The following TPRG1 variants were observed in gnomAD, a reference collection of about 807,000 sequenced individuals.
TPRG1 encodes the protein tumor protein p63-regulated gene 1 protein.
In TPRG1, 29 loss-of-function variants were observed where a neutral mutation model predicts 29.3. The ratio of observed to expected loss-of-function variants is 0.99; its 90% CI spans 0.74 to 1.35. TPRG1 has a LOEUF of 1.35. TPRG1 is among the 40% of genes most tolerant of loss of function. TPRG1 has a pLI of 0.00. For missense variants in TPRG1, 327 were observed against 335.0 expected, an observed-to-expected ratio of 0.98 and a Z score of 0.19; for synonymous variants, 130 against 116.8, an observed-to-expected ratio of 1.11 and a Z score of -0.73.
intron 3 of TPRG1, among the ~76,000 whole-genome samples, chr3:189,222,695 T>C (rs1314643161): frequency 1.3e-5 from 2 of 152,192 alleles, no homozygotes; most frequent in South Asian, 2.1e-4. Context: ...AGAATTTCGG[T>C]GGGTTCTCAC....
chr3:189,229,011 C>T (rs377380442), intron 3 of TPRG1, among the ~76,000 whole-genome samples: 1 of 152,204 alleles, frequency 6.6e-6, no homozygotes, highest in African/African-American at 2.4e-5. Context: ...AATGCAATAA[C>T]ACTTGTAATC....
At chr3:189,009,219 G>T (rs775242877) in intron 3 of TPRG1, among the ~76,000 whole-genome samples, 4 of 152,128 alleles carry the variant, frequency 2.6e-5, no homozygotes, top group Non-Finnish European at 5.9e-5. Flanking sequence ...CAAATTTGGG[G>T]TGTGTTTTCT....
At chr3:189,303,847 T>C (rs1422517487) in intron 4 of TPRG1, among the ~76,000 whole-genome samples, 1 of 152,212 alleles carries the variant, frequency 6.6e-6, no homozygotes, top group African/African-American at 2.4e-5. Context: ...CATGACCACC[T>C]CTAGGACAAG....
At chr3:189,021,918 G>A (rs1229955385) in intron 3 of TPRG1, among the ~76,000 whole-genome samples, 3 of 152,082 alleles carry the variant, frequency 2.0e-5, no homozygotes, top group Non-Finnish European at 2.9e-5. Flanking sequence ...TCTCTTGGAG[G>A]CTTTGCTCGT....
intron 1 of TPRG1, among the ~76,000 whole-genome samples, chr3:189,107,824 T>A (rs910074044): frequency 1.3e-5 from 2 of 152,192 alleles, no homozygotes; most frequent in Non-Finnish European, 1.5e-5. Flanking sequence ...AAATATGGTA[T>A]CATTTATTTT....
At chr3:189,210,157 T>A (rs1560556734) in intron 2 of TPRG1, among the ~76,000 whole-genome samples, 1 of 152,166 alleles carries the variant, frequency 6.6e-6, no homozygotes, top group Non-Finnish European at 1.5e-5. Context: ...TGGATGTATA[T>A]GCATATATTT....
At chr3:189,076,157 A>T (rs192701461) in intron 4 of TPRG1, among the ~76,000 whole-genome samples, 17 of 152,298 alleles carry the variant, frequency 1.1e-4, no homozygotes, top group Non-Finnish European at 1.5e-5. Context: ...AGTAGCTCCA[A>T]GCGGCCTTCT....
intron 4 of TPRG1, among the ~76,000 whole-genome samples, chr3:189,241,219 A>G (rs1740527171): frequency 6.6e-6 from 1 of 152,216 alleles, no homozygotes; most frequent in Non-Finnish European, 1.5e-5. Context: ...TTCACAAAGT[A>G]TCAGGGTAAT....
chr3:189,292,000 C>T (rs1455049801), intron 4 of TPRG1, among the ~76,000 whole-genome samples: 1 of 152,212 alleles, frequency 6.6e-6, no homozygotes, highest in Non-Finnish European at 1.5e-5. Flanking sequence ...GGTACTAAAA[C>T]ACAAATGTCT....
At chr3:189,209,886 A>G (rs76416625) in intron 2 of TPRG1, among the ~76,000 whole-genome samples, 122 of 152,328 alleles carry the variant, frequency 8.0e-4, no homozygotes, top group African/African-American at 2.8e-3. Context: ...AGATTTTCCC[A>G]AGATACTCAG....
At chr3:189,105,344 A>G (rs1043696203) in intron 1 of TPRG1, among the ~76,000 whole-genome samples, 2 of 152,102 alleles carry the variant, frequency 1.3e-5, no homozygotes, top group African/African-American at 4.8e-5. Flanking sequence ...CTCAGATGGA[A>G]TGTAATCTGT....
At position 189,129,962 on chromosome 3, in the gene TPRG1, G is replaced by A. The variant is rs547505184; in HGVS notation, c.-589-2437G>A. Among the ~76,000 whole-genome samples, 25 of 152,286 alleles carry A rather than the reference G, an allele frequency of 1.6e-4. No homozygotes were observed. In the East Asian group the frequency reaches 4.8e-3, roughly 29 times the overall value. ...ATCTCATGGAGGCTGATAAATCAAA[G>A]ATAATACTTAAGGTACTCTTCATAA... On this transcript the variant is annotated intron_variant, in intron 2 of 6. Transcript: ENST00000412373.
chr3:189,211,972 A>G (rs1735331588), intron 2 of TPRG1: 1 of 149,480 alleles, frequency 6.7e-6, no homozygotes, highest in Admixed American at 6.8e-5. Flanking sequence ...GAACAAAAGT[A>G]CCCCTCAAGG....
rs552166616 is a variant in TPRG1, at chr3:189,183,183, C to T, written c.-10+11052C>T. On this transcript the variant is annotated intron_variant, in intron 1 of 5. Transcript: ENST00000345063. ...GAGAGAAATTTTAAAGCTGGGCGTC[C>T]GGGGGAGACATCACATGTCGGTAGG... Among the ~76,000 whole-genome samples the T allele has an allele frequency of 1.1e-4, 17 of 152,096 alleles. No individual in the cohort carries two copies. In the East Asian group the frequency reaches 1.2e-3, roughly 10 times the overall value.
intron 5 of TPRG1, among the ~76,000 whole-genome samples, chr3:189,159,868 G>GT (rs141895328): frequency 3.1e-4 from 46 of 146,674 alleles, no homozygotes; most frequent in East Asian, 1.0e-3. Context: ...GTGTGTGTGT[G>GT]GTGGTGGGGG....
intron 1 of TPRG1, chr3:189,121,938 G>C (rs1469039725): frequency 6.6e-6 from 1 of 152,136 alleles, no homozygotes; most frequent in East Asian, 1.9e-4. Context: ...AATTGCCTTT[G>C]AGAGAAAGCA....
chr3:189,076,414 C>T (rs1717172422), intron 4 of TPRG1, among the ~76,000 whole-genome samples: 1 of 152,056 alleles, frequency 6.6e-6, no homozygotes, highest in Non-Finnish European at 1.5e-5. Context: ...CTCTAAGTTC[C>T]CTTGCAGTTC....
At chr3:189,158,805 A>G (rs527559990) in intron 5 of TPRG1, among the ~76,000 whole-genome samples, 70 of 151,280 alleles carry the variant, frequency 4.6e-4, no homozygotes, top group African/African-American at 9.7e-4. Flanking sequence ...TTCGTTTTGC[A>G]CTCCCTCATC....
intron 4 of TPRG1, among the ~76,000 whole-genome samples, chr3:189,063,634 A>G (rs943588140): frequency 6.6e-6 from 1 of 151,770 alleles, no homozygotes; most frequent in African/African-American, 2.4e-5. Flanking sequence ...ATATGTGGGA[A>G]TTAAGCAACA....
Sources: allele counts gnomAD v4.1 joint callset (sites outside exome capture counted in the v4.1 genomes callset), GRCh38; gene constraint gnomAD v4.1.1; transcripts MANE v1.5; gene names NCBI Gene and HGNC (gene_info 2026-07-23, HGNC 2026-07-21).